The following ZNF641 variants were observed in gnomAD, a reference collection of about 807,000 sequenced individuals.
ZNF641 encodes the protein zinc finger protein 641.
Under a neutral mutation model 46.2 loss-of-function variants are expected in ZNF641, and 26 were observed. That is an observed-to-expected ratio of 0.56 (90% CI 0.41 to 0.78). The LOEUF (loss-of-function observed/expected upper bound fraction) is 0.78. Ranked by LOEUF, ZNF641 falls within the 30% of genes least tolerant of loss-of-function variation. The pLI is 0.00. For synonymous variants in ZNF641, 163 were observed against 187.9 expected, an observed-to-expected ratio of 0.87 and a Z score of 1.09; for missense variants, 469 against 517.8, an observed-to-expected ratio of 0.91 and a Z score of 0.91.
intron 1 of ZNF641, among the ~76,000 whole-genome samples, chr12:48,348,890 C>T (rs946643291): frequency 1.3e-5 from 2 of 152,220 alleles, no homozygotes; most frequent in African/African-American, 4.8e-5. Context: ...CTGCTGCTAA[C>T]ATGACCCAGA....
Position 48,342,037 on chromosome 12 carries a change from C to A in ZNF641, c.*936G>T, listed in dbSNP as rs1055508449. ...CAGTTTGCACATAGCATGCTGTCTT[C>A]AAAGACCCTGCACACAAATACACAG... On this transcript the variant is annotated 3_prime_UTR_variant, in exon 6 of 6. Coordinates refer to ENST00000547026, the MANE Select transcript of ZNF641 (RefSeq NM_001172681.2). 6 of 985,486 alleles carry A rather than the reference C, an allele frequency of 6.1e-6. No homozygotes were observed. Among genetic ancestry groups the A allele is most frequent in the Non-Finnish European group, 7.2e-6 (6 of 829,972 alleles). The allele number at this position is 985,486 out of a possible 1,614,324, so 61.0% of individuals were successfully genotyped here.
chr12:48,341,991 C>T lies in ZNF641; in HGVS notation c.*982G>A. On this transcript the variant is annotated 3_prime_UTR_variant, in exon 6 of 6. Transcript: ENST00000547026. ...ACTACCCTCATCCCCAGAACACAGC[C>T]CCTAGAAAACCTAGCTTGTACAGTT... 1 of 985,438 alleles carries T rather than the reference C, an allele frequency of 1.0e-6. No individual in the cohort carries two copies. Among genetic ancestry groups the T allele is most frequent in the Non-Finnish European group, 1.2e-6 (1 of 829,970 alleles). 61.0% of individuals were successfully genotyped at this position (985,438 alleles called of 1,614,324 possible).
chr12:48,343,700 G>A lies in ZNF641; in HGVS notation c.548C>T (p.Thr183Ile). ...GGGAGGTTCTGCTTCTAGTTCAGGG[G>A]TATCCCCCTCATGTTCACTTCCATC... is the stretch of plus-strand genomic sequence containing the variant. ...TGDGSEHEGD[T>I]PELEAEPPRM... The change falls in exon 6 of 6, where the codon ACC becomes ATC. Residue 183 changes from threonine (T) to isoleucine (I), a missense_variant. Thr to Ile is a moderately conservative substitution (Grantham distance 89). Coordinates refer to ENST00000547026, the MANE Select transcript of ZNF641 (RefSeq NM_001172681.2). 1 of 1,508,938 alleles carries A rather than the reference G, an allele frequency of 6.6e-7. No individual in the cohort carries two copies. The highest frequency in any genetic ancestry group is 1.3e-5 in the South Asian group (1 of 74,388). 93.5% of individuals were successfully genotyped at this position (1,508,938 alleles called of 1,614,324 possible). A position where few individuals can be genotyped will look rare whatever the true frequency, so the allele number is the denominator to read the frequency against.
chr12:48,341,830 C>T lies in ZNF641; in HGVS notation c.*1143G>A. The stretch of plus-strand genomic sequence containing the variant: ...AGATTCAAACCTAGACATACACATC[C>T]ACAATTGTCTTAATCTCAGCAGTAC... On this transcript the variant is annotated 3_prime_UTR_variant, in exon 6 of 6. Transcript: ENST00000547026. The T allele has an allele frequency of 1.0e-6, 1 of 985,456 alleles. No individual in the cohort carries two copies. The highest frequency in any genetic ancestry group is 5.2e-4 in the Middle Eastern group (1 of 1,914). 61.0% of individuals were successfully genotyped at this position (985,456 alleles called of 1,614,324 possible).
downstream of ZNF641, among the ~76,000 whole-genome samples, chr12:48,335,343 G>A (rs567145513): frequency 6.6e-6 from 1 of 152,194 alleles, no homozygotes; most frequent in Admixed American, 6.5e-5. Flanking sequence ...AGTTAAGAAG[G>A]CTGCAATACT....
In ZNF641 at chr12:48,340,366, C is replaced by A; in HGVS notation, c.*2607G>T. On this transcript the variant is annotated 3_prime_UTR_variant, in exon 6 of 6. Coordinates refer to ENST00000547026, the MANE Select transcript of ZNF641 (RefSeq NM_001172681.2). The stretch of plus-strand genomic sequence containing the variant: ...GATGTTAACATGTAGTTATAAGGGG[C>A]GTGATCTAATAGTAAGGAATATCAC... 1 of 985,326 alleles carries A rather than the reference C, an allele frequency of 1.0e-6. No individual in the cohort carries two copies. Among genetic ancestry groups the A allele is most frequent in the Non-Finnish European group, 1.2e-6 (1 of 829,942 alleles). The allele number at this position is 985,326 out of a possible 1,614,324, so 61.0% of individuals were successfully genotyped here. A position where few individuals can be genotyped will look rare whatever the true frequency, so the allele number is the denominator to read the frequency against.
In ZNF641 at chr12:48,350,834, C is replaced by CTGCCCCTCCCCTCCGCCCTCCGCT; in HGVS notation, c.-98_-75dup. The CTGCCCCTCCCCTCCGCCCTCCGCT allele has an allele frequency of 1.0e-6, 1 of 985,166 alleles. No homozygotes were observed. Among genetic ancestry groups the CTGCCCCTCCCCTCCGCCCTCCGCT allele is most frequent in the East Asian group, 1.1e-4 (1 of 8,776 alleles). The allele number at this position is 985,166 out of a possible 1,614,324, so 61.0% of individuals were successfully genotyped here. A position where few individuals can be genotyped will look rare whatever the true frequency, so the allele number is the denominator to read the frequency against. ...CCGGTGCCTCCCTCCCGGGCGCCGC[C>CTGCCCCTCCCCTCCGCCCTCCGCT]TGCCCCTCCCCTCCGCCCTCCGCTT... On this transcript the variant is annotated 5_prime_UTR_variant, in exon 1 of 6. Transcript: ENST00000547026.
chr12:48,345,576 T>C, intron 3 of ZNF641, 102 bp from the exon 4 acceptor site: 1 of 1,469,138 alleles, frequency 6.8e-7, no homozygotes, highest in Non-Finnish European at 9.3e-7. Flanking sequence ...TGAGAAATGA[T>C]CTGAGAAAAG....
At position 48,338,714 on chromosome 12, in the gene ZNF641, G is replaced by C. The variant is rs1032190785; in HGVS notation, c.*4259C>G. On this transcript the variant is annotated 3_prime_UTR_variant, in exon 6 of 6. Transcript: ENST00000547026. The stretch of plus-strand genomic sequence containing the variant: ...ATCTTGCTTGTGTCAAATCTTACTA[G>C]AAAAACCTAGTTCTCTCTTATGCCC... The C allele has an allele frequency of 1.4e-4, 21 of 152,230 alleles. No individual in the cohort carries two copies. Among genetic ancestry groups the C allele is most frequent in the African/African-American group, 5.1e-4 (21 of 41,452 alleles). 9.4% of individuals were successfully genotyped at this position (152,230 alleles called of 1,614,324 possible).
intron 3 of ZNF641, 56 bp from the exon 4 acceptor site, chr12:48,345,530 T>G (rs973586845): frequency 6.4e-5 from 103 of 1,609,564 alleles, no homozygotes; most frequent in Non-Finnish European, 8.5e-5. Flanking sequence ...AAAATGTGAT[T>G]CAGTATGAAA....
chr12:48,340,966 C>T lies in ZNF641; in HGVS notation c.*2007G>A. On this transcript the variant is annotated 3_prime_UTR_variant, in exon 6 of 6. Transcript: ENST00000547026. ...CAAAGACCAGCCATTTTGCCTTATT[C>T]ATAGGATCATAAGCAAGAGAACTGC... is the stretch of plus-strand genomic sequence containing the variant. 8 of 985,460 alleles carry T rather than the reference C, an allele frequency of 8.1e-6. No homozygotes were observed. Among genetic ancestry groups the T allele is most frequent in the Non-Finnish European group, 9.6e-6 (8 of 829,958 alleles). The allele number at this position is 985,460 out of a possible 1,614,324, so 61.0% of individuals were successfully genotyped here.
At chr12:48,347,797 A>T (rs1952921258) in intron 2 of ZNF641, 110 bp downstream of exon 2, 1 of 1,034,730 alleles carries the variant, frequency 9.7e-7, no homozygotes, top group Non-Finnish European at 1.4e-6. Context: ...TGGTCCTGGT[A>T]CAGGTTATGC....
In ZNF641 at chr12:48,343,143, G is replaced by T; in HGVS notation, c.1105C>A (p.Arg369=). The T allele has an allele frequency of 6.2e-7, 1 of 1,614,020 alleles. No homozygotes were observed. Among genetic ancestry groups the T allele is most frequent in the Non-Finnish European group, 8.5e-7 (1 of 1,180,000 alleles). The change falls in exon 6 of 6, where the codon CGA becomes AGA. Residue 369 remains arginine, a synonymous_variant. Coordinates refer to ENST00000547026, the MANE Select transcript of ZNF641 (RefSeq NM_001172681.2). ...VCTECGKSFG[R]RHHLVRHWLT... ...CAGTGTCTCACAAGGTGGTGCCTTC[G>T]GCCAAAGCTCTTCCCACATTCAGTG... is the stretch of plus-strand genomic sequence containing the variant.
chr12:48,343,179 A>C lies in ZNF641; in HGVS notation c.1069T>G (p.Cys357Gly), dbSNP rs1239448789. ...TTCCCACATTCAGTGCACACGTGAC[A>C]CTTTGGCACTGGTGGGGCACGCTGC... ...KRQRAPPVPK[C>G]HVCTECGKSF... Residue 357 changes from cysteine to glycine, a missense_variant, in exon 6 of 6, where the codon TGT becomes GGT. By Grantham distance (159) the Cys-to-Gly change is radical. This residue lies in a region of ZNF641 where 346 missense variants were observed against 354.0 expected (regional missense o/e 0.98). Transcript: ENST00000547026. The C allele has an allele frequency of 6.2e-7, 1 of 1,614,088 alleles. No individual in the cohort carries two copies. Among genetic ancestry groups the C allele is most frequent in the Non-Finnish European group, 8.5e-7 (1 of 1,179,976 alleles).
intron 4 of ZNF641, 136 bp downstream of exon 4, chr12:48,345,207 TTC>T: frequency 2.1e-6 from 2 of 959,182 alleles, no homozygotes; most frequent in Admixed American, 4.8e-5. Context: ...GGCCCTAGTG[TTC>T]TTTCTCCAGC....
Position 48,340,305 on chromosome 12 carries a change from T to C in ZNF641, c.*2668A>G, listed in dbSNP as rs1384863564. The C allele has an allele frequency of 2.0e-6, 2 of 985,344 alleles. No homozygotes were observed. The highest frequency in any genetic ancestry group is 2.3e-4 in the East Asian group (2 of 8,824). 61.0% of individuals were successfully genotyped at this position (985,344 alleles called of 1,614,324 possible). A position where few individuals can be genotyped will look rare whatever the true frequency, so the allele number is the denominator to read the frequency against. ...GCACCTAACTCTGGGGGCTTCACTT[T>C]CTATCCCTACAATTACTCAAACAGA... is the stretch of plus-strand genomic sequence containing the variant. On this transcript the variant is annotated 3_prime_UTR_variant, in exon 6 of 6. Transcript: ENST00000547026.
chr12:48,342,992 C>G lies in ZNF641; in HGVS notation c.1256G>C (p.Arg419Thr). The G allele has an allele frequency of 3.7e-6, 6 of 1,612,950 alleles. No individual in the cohort carries two copies. Among genetic ancestry groups the G allele is most frequent in the Non-Finnish European group, 5.1e-6 (6 of 1,179,344 alleles). ...QGQSPRNSWD[R>T]GTSVF ...CAGATTTCAAAAGACAGATGTTCCT[C>G]TGTCCCAGCTGTTCCGGGGACTTTG... The change falls in exon 6 of 6, where the codon AGA (arginine) becomes ACA (threonine). Residue 419 changes from arginine to threonine, a missense_variant. Physicochemically the swap from Arg to Thr is moderately conservative, Grantham distance 71 (BLOSUM62 -1). Coordinates refer to ENST00000547026, the MANE Select transcript of ZNF641 (RefSeq NM_001172681.2).
rs1398712162 is a variant in ZNF641, at chr12:48,339,841, C to T, written c.*3132G>A. 3.2e-5 allele frequency: 25 copies of T among 779,224 alleles called. No individual in the cohort carries two copies. Among genetic ancestry groups the T allele is most frequent in the Non-Finnish European group, 3.4e-5 (22 of 641,450 alleles). 48.3% of individuals were successfully genotyped at this position (779,224 alleles called of 1,614,324 possible). A position where few individuals can be genotyped will look rare whatever the true frequency, so the allele number is the denominator to read the frequency against. ...TTTCCTTCCACAATTAGAACTAAGG[C>T]GTAAAGTGTAAATAGCCTGGTGAAA... On this transcript the variant is annotated 3_prime_UTR_variant, in exon 6 of 6. Transcript: ENST00000547026.
intron 3 of ZNF641, among the ~76,000 whole-genome samples, chr12:48,345,879 A>C (rs949158956): frequency 1.1e-4 from 16 of 151,454 alleles, no homozygotes; most frequent in Admixed American, 8.6e-4. Context: ...GCTACAGATA[A>C]AACATTCTTT....
Sources: gnomAD v4.1 joint callset for allele counts (sites outside exome capture counted in the v4.1 genomes callset) on GRCh38, gnomAD v4.1.1 for gene constraint, gnomAD v4.1.1 regional missense constraint, MANE v1.5 for transcripts, NCBI Gene and HGNC (gene_info 2026-07-23, HGNC 2026-07-21) for gene names.